Variants in IMMP2L observed in about 807,000 individuals in gnomAD.
IMMP2L encodes the protein inner mitochondrial membrane peptidase subunit 2, also known as mitochondrial inner membrane protease subunit 2.
IMMP2L carries 18 observed loss-of-function variants against 19.3 expected under a neutral mutation model. That is an observed-to-expected ratio of 0.93 (90% CI 0.64 to 1.38). The LOEUF (loss-of-function observed/expected upper bound fraction) is 1.38, where lower values mean the gene tolerates loss of function less well. IMMP2L is among the 40% of genes most tolerant of loss of function. The pLI, the probability that IMMP2L is intolerant of heterozygous loss-of-function variation, is 0.00. For synonymous variants in IMMP2L, 76 were observed against 73.0 expected (o/e 1.04, Z -0.21); for missense variants, 233 against 218.2 (o/e 1.07, Z -0.43).
At chr7:111,073,077 T>C (rs916487991) in intron 3 of IMMP2L, among the ~76,000 whole-genome samples, 3 of 152,154 alleles carry the variant, frequency 2.0e-5, no homozygotes, top group African/African-American at 7.2e-5. Context: ...ATGTTAAATA[T>C]ACTGAATTTG....
At chr7:110,922,903 G>T (rs1235815278) in intron 4 of IMMP2L, among the ~76,000 whole-genome samples, 1 of 152,136 alleles carries the variant, frequency 6.6e-6, no homozygotes, top group East Asian at 1.9e-4. Context: ...GGAAGTGGTG[G>T]ACTCTGATTG....
intron 3 of IMMP2L, among the ~76,000 whole-genome samples, chr7:111,367,254 C>T (rs1340618631): frequency 6.6e-6 from 1 of 151,662 alleles, no homozygotes; most frequent in Non-Finnish European, 1.5e-5. Flanking sequence ...AAATAATGTT[C>T]TGTAAATTGT....
At chr7:111,152,561 C>T (rs1804195601) in intron 3 of IMMP2L, among the ~76,000 whole-genome samples, 1 of 151,742 alleles carries the variant, frequency 6.6e-6, no homozygotes. Context: ...TTACATATAC[C>T]CAAAGTTATT....
chr7:111,538,684 C>T (rs1184116317), intron 1 of IMMP2L, among the ~76,000 whole-genome samples: 1 of 150,442 alleles, frequency 6.6e-6, no homozygotes, highest in Non-Finnish European at 1.5e-5. Flanking sequence ...GTGGCACATG[C>T]CTGTGCTCCC....
intron 5 of IMMP2L, among the ~76,000 whole-genome samples, chr7:110,840,130 A>G (rs1804919930): frequency 6.6e-6 from 1 of 152,172 alleles, no homozygotes; most frequent in African/African-American, 2.4e-5. Context: ...AGCTGCTGCT[A>G]GAAGTTCCCT....
At chr7:110,848,293 A>G (rs1462886168) in intron 5 of IMMP2L, among the ~76,000 whole-genome samples, 2 of 152,208 alleles carry the variant, frequency 1.3e-5, no homozygotes, top group African/African-American at 4.8e-5. Flanking sequence ...GTTGGTAAGC[A>G]AGCATATGTA....
rs527974928 is a variant in IMMP2L, at chr7:110,980,118, C to T, written c.240-16553G>A. On this transcript the variant is annotated intron_variant, in intron 3 of 5. Transcript: ENST00000405709. Reference sequence around the variant, plus strand: ...ATTTCGGAAATTTATGGTTCTATACCTCTAGCACTGTCTTCATGAAACCGT... The same window carrying T: ...ATTTCGGAAATTTATGGTTCTATACTTCTAGCACTGTCTTCATGAAACCGT... 3.8e-5 allele frequency among the ~76,000 whole-genome samples: 5 copies of T among 132,914 alleles called. No homozygotes were observed. The East Asian group carries it at 5.9e-4, about 16-fold the overall frequency. 87.2% of individuals were successfully genotyped at this position (132,914 alleles called of 152,430 possible).
intron 3 of IMMP2L, among the ~76,000 whole-genome samples, chr7:111,466,737 ATCAAACAT>A (rs1269502920): frequency 6.6e-6 from 1 of 152,180 alleles, no homozygotes; most frequent in African/African-American, 2.4e-5. Context: ...CCAAAAGCAG[ATCAAACAT>A]ATTTGGGAAA....
chr7:111,110,397 A>T (rs755165753), intron 3 of IMMP2L, among the ~76,000 whole-genome samples: 2 of 152,222 alleles, frequency 1.3e-5, no homozygotes, highest in Non-Finnish European at 2.9e-5. Flanking sequence ...GCTTTTATTC[A>T]CTGAAATAAT....
At chr7:110,726,876 C>T (rs1303795312) in intron 5 of IMMP2L, among the ~76,000 whole-genome samples, 1 of 152,108 alleles carries the variant, frequency 6.6e-6, no homozygotes, top group African/African-American at 2.4e-5. Context: ...TGAGTGTTTC[C>T]CTACGGACCA....
intron 3 of IMMP2L, among the ~76,000 whole-genome samples, chr7:111,171,883 G>A (rs1806485506): frequency 6.7e-6 from 1 of 149,506 alleles, no homozygotes; most frequent in Admixed American, 6.8e-5. Context: ...ATAAAATAAA[G>A]AATTAAAAAT....
intron 5 of IMMP2L, among the ~76,000 whole-genome samples, chr7:110,840,488 T>C (rs1335571229): frequency 1.3e-5 from 2 of 152,142 alleles, no homozygotes; most frequent in Admixed American, 1.3e-4. Flanking sequence ...TTAACCGATA[T>C]CATTGGTTAA....
At chr7:110,771,295 G>A (rs990519302) in intron 5 of IMMP2L, among the ~76,000 whole-genome samples, 3 of 152,074 alleles carry the variant, frequency 2.0e-5, no homozygotes, top group African/African-American at 7.2e-5. Flanking sequence ...GGGGGATGAG[G>A]GAGCTGCCCA....
Position 110,877,798 on chromosome 7 carries a change from A to G in IMMP2L, c.408+8795T>C, listed in dbSNP as rs1375268063. Among the ~76,000 whole-genome samples, 8 of 152,282 alleles carry G rather than the reference A, an allele frequency of 5.3e-5. No individual in the cohort carries two copies. In the South Asian group the frequency reaches 1.2e-3, roughly 24 times the overall value. ...CAATCAAGATCTGGCATTCAGCACT[A>G]GCAAAGTGTGACATTCTAACTCTGA... On this transcript the variant is annotated intron_variant, in intron 5 of 5. Coordinates refer to ENST00000405709, the MANE Select transcript of IMMP2L (RefSeq NM_032549.4). This position sits in a 1 kb window ranked among gnomAD's most constrained non-coding sequence, Gnocchi z 4.0.
intron 3 of IMMP2L, among the ~76,000 whole-genome samples, chr7:111,405,868 C>T (rs966642634): frequency 3.3e-5 from 5 of 152,062 alleles, no homozygotes; most frequent in African/African-American, 1.2e-4. Flanking sequence ...CAGCCACACC[C>T]ATTTTCTTAA....
chr7:111,148,890 A>G (rs1803775035), intron 3 of IMMP2L, among the ~76,000 whole-genome samples: 1 of 152,072 alleles, frequency 6.6e-6, no homozygotes, highest in Non-Finnish European at 1.5e-5. Flanking sequence ...AACTCACTGA[A>G]TGTTCAAAGC....
chr7:111,445,654 G>C (rs534000055), intron 3 of IMMP2L, among the ~76,000 whole-genome samples: 6 of 152,276 alleles, frequency 3.9e-5, no homozygotes, highest in African/African-American at 1.4e-4. Context: ...AGTGCTAAAA[G>C]GGCGGAGATT....
chr7:110,812,613 T>A (rs1802124566), intron 5 of IMMP2L, among the ~76,000 whole-genome samples: 1 of 152,046 alleles, frequency 6.6e-6, no homozygotes, highest in Admixed American at 6.6e-5. Context: ...TGGAATTAAG[T>A]TACATATCCT....
At position 111,282,336 on chromosome 7, in the gene IMMP2L, T is replaced by A. The variant is rs559302494; in HGVS notation, c.239+204902A>T. ...ATATCTGTTCTTACAAAAATGGAAA[T>A]TCGGTAAGAAAGGGAAGAGTATGGT... On this transcript the variant is annotated intron_variant, in intron 3 of 5. Transcript: ENST00000405709. Among the ~76,000 whole-genome samples, 19 of 152,278 alleles carry A rather than the reference T, an allele frequency of 1.2e-4. No individual in the cohort carries two copies. In the South Asian group the frequency reaches 2.3e-3, roughly 18 times the overall value.
Sources: gnomAD v4.1 joint callset for allele counts (sites outside exome capture counted in the v4.1 genomes callset) on GRCh38, gnomAD v4.1.1 for gene constraint, Gnocchi (gnomAD v3.1) non-coding constraint, MANE v1.5 for transcripts, NCBI Gene and HGNC (gene_info 2026-07-23, HGNC 2026-07-21) for gene names.